Variants in UNC13B observed in about 807,000 individuals in gnomAD.
UNC13B encodes protein unc-13 homolog B.
In UNC13B, 144 loss-of-function variants were observed where a neutral mutation model predicts 211.0. That is an observed-to-expected ratio of 0.68 (90% CI 0.60 to 0.78). The LOEUF (loss-of-function observed/expected upper bound fraction) is 0.78, where lower values mean the gene tolerates loss of function less well. Ranked by LOEUF, UNC13B falls within the 30% of genes least tolerant of loss-of-function variation. The pLI is 0.00. For missense variants in UNC13B, 1,777 were observed against 2,002.0 expected (o/e 0.89, Z 2.14); for synonymous variants, 709 against 725.8 (o/e 0.98, Z 0.37).
At chr9:35,403,317 C>T (rs1410065509) in intron 38 of UNC13B, 58 bp downstream of exon 38, 8 of 1,604,834 alleles carry the variant, frequency 5.0e-6, no homozygotes, top group Non-Finnish European at 6.8e-6. Flanking sequence ...ACTCATCACT[C>T]AAAAGCAGGG....
intron 7 of UNC13B, among the ~76,000 whole-genome samples, chr9:35,285,856 A>G (rs774397148): frequency 6.6e-6 from 1 of 152,228 alleles, no homozygotes; most frequent in Non-Finnish European, 1.5e-5. Flanking sequence ...AGAATTAACT[A>G]CTAAGTTTGT....
At chr9:35,195,909 A>G (rs975677962) in intron 1 of UNC13B, among the ~76,000 whole-genome samples, 1 of 152,344 alleles carries the variant, frequency 6.6e-6, no homozygotes, top group East Asian at 1.9e-4. Context: ...ATGTCCAAAT[A>G]TTTGACAAAT....
At chr9:35,367,583 A>C (rs1833853748) in intron 12 of UNC13B, among the ~76,000 whole-genome samples, 1 of 152,164 alleles carries the variant, frequency 6.6e-6, no homozygotes. Flanking sequence ...CTGTGCTATC[A>C]ATACTAGATC....
At chr9:35,231,073 C>A (rs1446905285) in intron 2 of UNC13B, 47 bp from the exon 3 acceptor site, 1 of 1,267,296 alleles carries the variant, frequency 7.9e-7, no homozygotes, top group Non-Finnish European at 1.1e-6. Flanking sequence ...AGATGGGTAA[C>A]AATCTGAGCA....
Position 35,375,081 on chromosome 9 carries a change from C to T in UNC13B, c.9541-46C>T, listed in dbSNP as rs58720052. On this transcript the variant is annotated intron_variant, in intron 13 of 39. Coordinates refer to ENST00000635942, the MANE Select transcript of UNC13B (RefSeq NM_001371189.2). ...TGAAGCTCCCTCCCCCAGACTTTGC[C>T]AGCCCTTGGCAGTGGTCAGGGCTAA... The T allele has an allele frequency of 5.7e-4, 918 of 1,605,060 alleles. 8 individuals carry two copies. The East Asian group carries it at 0.018, about 31-fold the overall frequency.
At chr9:35,213,277 G>C (rs1268939546) in intron 1 of UNC13B, among the ~76,000 whole-genome samples, 1 of 152,232 alleles carries the variant, frequency 6.6e-6, no homozygotes, top group East Asian at 1.9e-4. Context: ...GATGGGGTTA[G>C]TACCCTTATA....
chr9:35,227,540 A>G (rs893876071), intron 1 of UNC13B, among the ~76,000 whole-genome samples: 2 of 152,166 alleles, frequency 1.3e-5, no homozygotes, highest in Non-Finnish European at 2.9e-5. Context: ...TTGTGATTAC[A>G]TTGACAGGAG....
chr9:35,342,734 T>C (rs2132020800), intron 11 of UNC13B, among the ~76,000 whole-genome samples: 1 of 152,348 alleles, frequency 6.6e-6, no homozygotes, highest in East Asian at 1.9e-4. Flanking sequence ...AACTCATTCA[T>C]CCAGCTTGCA....
At chr9:35,214,010 A>G (rs892377002) in intron 1 of UNC13B, among the ~76,000 whole-genome samples, 1 of 152,240 alleles carries the variant, frequency 6.6e-6, no homozygotes, top group Admixed American at 6.5e-5. Context: ...GTCATGATAC[A>G]TGACGTAGAA....
At chr9:35,339,322 C>A (rs777101725) in intron 11 of UNC13B, among the ~76,000 whole-genome samples, 1 of 152,148 alleles carries the variant, frequency 6.6e-6, no homozygotes, top group East Asian at 1.9e-4. Context: ...TAAAAAGCAC[C>A]CCATCCTTTC....
chr9:35,279,726 T>G (rs1263436463), intron 7 of UNC13B, among the ~76,000 whole-genome samples: 2 of 152,208 alleles, frequency 1.3e-5, no homozygotes, highest in East Asian at 1.9e-4. Flanking sequence ...AACAATGCAT[T>G]TGAATTTTGA....
At chr9:35,242,181 T>A (rs1216650842) in intron 5 of UNC13B, among the ~76,000 whole-genome samples, 1 of 152,194 alleles carries the variant, frequency 6.6e-6, no homozygotes, top group Admixed American at 6.6e-5. Context: ...TTTTAAGAAT[T>A]CAAATATTTT....
chr9:35,191,174 G>T (rs1314144675), intron 1 of UNC13B, among the ~76,000 whole-genome samples: 1 of 152,038 alleles, frequency 6.6e-6, no homozygotes, highest in Non-Finnish European at 1.5e-5. Context: ...TGGTCAGGCT[G>T]GTCTCAAACT....
At chr9:35,162,735 A>G (rs914739086) in intron 1 of UNC13B, among the ~76,000 whole-genome samples, 7 of 152,176 alleles carry the variant, frequency 4.6e-5, no homozygotes, top group Non-Finnish European at 1.0e-4. Flanking sequence ...CGTTAGTGGT[A>G]CAGCTGTCAC....
rs1351837354 is a variant in UNC13B at position 35,306,920 on chromosome 9, C to A, written c.7516C>A (p.Leu2506Ile). Residue 2506 changes from leucine to isoleucine, a missense_variant, in exon 9 of 40, where the codon CTC becomes ATC. Leu to Ile is a conservative substitution (Grantham distance 5). Coordinates refer to ENST00000635942, the MANE Select transcript of UNC13B (RefSeq NM_001371189.2). ...SLASDVSSQP[L>I]KGELFGIFKS... The stretch of plus-strand genomic sequence containing the variant: ...TGCTTCTGATGTATCATCTCAGCCC[C>A]TCAAAGGTGAATTATTTGGAATTTT... The A allele has an allele frequency of 2.5e-6, 1 of 399,018 alleles. No individual in the cohort carries two copies. Among genetic ancestry groups the A allele is most frequent in the Non-Finnish European group, 4.4e-6 (1 of 226,064 alleles). 24.7% of individuals were successfully genotyped at this position (399,018 alleles called of 1,614,324 possible).
At chr9:35,252,598 T>G (rs2131596481) in intron 6 of UNC13B, among the ~76,000 whole-genome samples, 1 of 151,720 alleles carries the variant, frequency 6.6e-6, no homozygotes, top group East Asian at 2.0e-4. Flanking sequence ...GAAGCCACTG[T>G]GGCTGGTCTG....
chr9:35,369,891 G>A (rs7024251), intron 12 of UNC13B, among the ~76,000 whole-genome samples: 4,445 of 152,240 alleles, frequency 0.029, 226 homozygotes, highest in African/African-American at 0.1. Flanking sequence ...GACTCTTGCC[G>A]TAGAGCCACC....
intron 11 of UNC13B, among the ~76,000 whole-genome samples, chr9:35,356,092 A>G (rs192991777): frequency 2.6e-5 from 4 of 152,208 alleles, no homozygotes; most frequent in African/African-American, 9.6e-5. Flanking sequence ...TCTGGGTCCT[A>G]TCCAAGACTC....
Position 35,306,116 on chromosome 9 carries a change from G to C in UNC13B, c.6712G>C (p.Val2238Leu), listed in dbSNP as rs1829909737. 2.5e-6 allele frequency: 1 copy of C among 399,022 alleles called. No individual in the cohort carries two copies. Among genetic ancestry groups the C allele is most frequent in the Non-Finnish European group, 4.4e-6 (1 of 226,064 alleles). The allele number at this position is 399,022 out of a possible 1,614,324, so 24.7% of individuals were successfully genotyped here. ...TSGEKQSIST[V>L]VPVTSQPCKK... ...TGGGGAAAAACAAAGCATTTCAACT[G>C]TTGTTCCAGTGACCTCCCAGCCCTG... Residue 2238 changes from valine to leucine, a missense_variant, in exon 9 of 40, where the codon GTT becomes CTT. By Grantham distance (32) the Val-to-Leu change is conservative. Coordinates refer to ENST00000635942, the MANE Select transcript of UNC13B (RefSeq NM_001371189.2).
Sources: gnomAD v4.1 joint callset for allele counts (sites outside exome capture counted in the v4.1 genomes callset) on GRCh38, gnomAD v4.1.1 for gene constraint, MANE v1.5 for transcripts, NCBI Gene and HGNC (gene_info 2026-07-23, HGNC 2026-07-21) for gene names.